Variants in SNAP91 observed in about 807,000 individuals in gnomAD.
SNAP91 encodes synaptosome associated protein 91.
In SNAP91, 27 loss-of-function variants were observed where a neutral mutation model predicts 100.3. That is an observed-to-expected ratio of 0.27 (90% CI 0.20 to 0.37). SNAP91 has a LOEUF of 0.37. Among genes scored for constraint, SNAP91 ranks in the 10% least tolerant of loss-of-function variants. The probability of loss-of-function intolerance (pLI) is 1.00; values close to 1 mark genes in which losing one functional copy is unlikely to be tolerated. For synonymous variants in SNAP91, 404 were observed against 398.6 expected, an observed-to-expected ratio of 1.01 and a Z score of -0.16; for missense variants, 986 against 1,123.7, an observed-to-expected ratio of 0.88 and a Z score of 1.75.
In SNAP91 at chr6:83,559,095, A is replaced by G. The variant is rs1783191290; in HGVS notation, c.2631+1009T>C. On this transcript the variant is annotated intron_variant, in intron 28 of 29. Coordinates refer to ENST00000369694, the MANE Select transcript of SNAP91 (RefSeq NM_001242792.2). ...CCTTATAATTTCTCAAATGATAGGC[A>G]TGTCTTTGTTATTCAAGGTGGGCTC... Among the ~76,000 whole-genome samples, 3 of 152,300 alleles carry G rather than the reference A, an allele frequency of 2.0e-5. No homozygotes were observed. The South Asian group carries it at 6.2e-4, about 32-fold the overall frequency.
chr6:83,591,625 G>T (rs1417125767), intron 21 of SNAP91, among the ~76,000 whole-genome samples: 1 of 151,948 alleles, frequency 6.6e-6, no homozygotes, highest in Non-Finnish European at 1.5e-5. Context: ...TAATAAAACA[G>T]AATTTTTCCA....
intron 14 of SNAP91, among the ~76,000 whole-genome samples, chr6:83,601,911 T>C (rs926701917): frequency 6.6e-6 from 1 of 152,212 alleles, no homozygotes; most frequent in Non-Finnish European, 1.5e-5. Context: ...ATCAGAGTCA[T>C]ATGATCACAT....
chr6:83,701,076 TG>T (rs1202679031), intron 2 of SNAP91, among the ~76,000 whole-genome samples: 1 of 152,214 alleles, frequency 6.6e-6, no homozygotes, highest in African/African-American at 2.4e-5. Flanking sequence ...CAGTTGTGTC[TG>T]TTTTCTTTGA....
intron 10 of SNAP91, among the ~76,000 whole-genome samples, chr6:83,615,964 A>G (rs1051667854): frequency 1.3e-5 from 2 of 152,166 alleles, no homozygotes; most frequent in African/African-American, 4.8e-5. Context: ...GTCAACCAAA[A>G]TGGAATAAAC....
chr6:83,554,400 A>G, intron 29 of SNAP91, 115 bp from the exon 30 acceptor site: 1 of 168,656 alleles, frequency 5.9e-6, no homozygotes. Context: ...TTACATAAAA[A>G]GGTCTCTGCA....
intron 2 of SNAP91, among the ~76,000 whole-genome samples, chr6:83,667,476 T>C (rs2098707321): frequency 6.6e-6 from 1 of 152,030 alleles, no homozygotes; most frequent in Admixed American, 6.6e-5. Context: ...TATAAAAATA[T>C]AAAATGATAA....
chr6:83,586,100 G>A (rs1005205279), intron 22 of SNAP91, among the ~76,000 whole-genome samples: 22 of 152,100 alleles, frequency 1.4e-4, no homozygotes, highest in Non-Finnish European at 2.8e-4. Flanking sequence ...TGCCCGCCTC[G>A]GCCTCACAAA....
At chr6:83,572,725 G>A (rs12198620) in intron 26 of SNAP91, among the ~76,000 whole-genome samples, 6,918 of 152,188 alleles carry the variant, frequency 0.045, 194 homozygotes, top group East Asian at 0.076. Context: ...GCAACATCAC[G>A]AAAGTATAAA....
chr6:83,708,300 C>T (rs922407878), intron 1 of SNAP91: 2 of 207,540 alleles, frequency 9.6e-6, no homozygotes, highest in African/African-American at 4.7e-5. Flanking sequence ...GGGTGCTGGA[C>T]TAGCCACAAC....
At chr6:83,645,666 G>T (rs900883798) in intron 7 of SNAP91, among the ~76,000 whole-genome samples, 6 of 152,030 alleles carry the variant, frequency 3.9e-5, no homozygotes, top group African/African-American at 1.4e-4. Flanking sequence ...GGGCAACATA[G>T]CAAGCCCCTA....
rs148618171 is a variant in SNAP91, at chr6:83,673,449, C to G, written c.131-7868G>C. On this transcript the variant is annotated intron_variant, in intron 2 of 29. Transcript: ENST00000369694. ...CTGACTATGCTGGACTTCCTATCTC[C>G]AGAACTGTGAGAACCAAATTTCTGT... is the stretch of plus-strand genomic sequence containing the variant. Among the ~76,000 whole-genome samples, 47 of 152,276 alleles carry G rather than the reference C, an allele frequency of 3.1e-4. 1 individual carries two copies. The East Asian group carries it at 8.3e-3, about 27-fold the overall frequency.
intron 9 of SNAP91, among the ~76,000 whole-genome samples, chr6:83,622,305 C>A (rs571237693): frequency 6.6e-6 from 1 of 152,024 alleles, no homozygotes; most frequent in African/African-American, 2.4e-5. Context: ...ATACAAATAA[C>A]ATTTCTTTGA....
chr6:83,615,268 G>A (rs2096413400), intron 10 of SNAP91, among the ~76,000 whole-genome samples: 1 of 152,162 alleles, frequency 6.6e-6, no homozygotes, highest in Non-Finnish European at 1.5e-5. Context: ...GGAAGGGTGT[G>A]GCCCTATATG....
At chr6:83,582,943 T>C (rs1329065212) in intron 22 of SNAP91, among the ~76,000 whole-genome samples, 2 of 152,190 alleles carry the variant, frequency 1.3e-5, no homozygotes, top group Non-Finnish European at 2.9e-5. Flanking sequence ...GTCTTCACAG[T>C]GCAGCCAGAA....
intron 21 of SNAP91, among the ~76,000 whole-genome samples, chr6:83,591,685 G>A (rs565174056): frequency 5.3e-5 from 8 of 152,138 alleles, no homozygotes; most frequent in Non-Finnish European, 1.0e-4. Context: ...AATTCAAGGA[G>A]CAGCAATATG....
intron 8 of SNAP91, among the ~76,000 whole-genome samples, chr6:83,629,663 G>C (rs1375819637): frequency 1.3e-5 from 2 of 152,150 alleles, no homozygotes; most frequent in Non-Finnish European, 1.5e-5. Context: ...CTTGGTCAAT[G>C]TTGGTGTATC....
chr6:83,609,388 C>T (rs2095848306), intron 12 of SNAP91, among the ~76,000 whole-genome samples: 1 of 152,106 alleles, frequency 6.6e-6, no homozygotes, highest in South Asian at 2.1e-4. Context: ...TTAAACCTGG[C>T]CTTATATCAG....
At chr6:83,703,536 G>T (rs1428290876) in intron 2 of SNAP91, among the ~76,000 whole-genome samples, 1 of 152,046 alleles carries the variant, frequency 6.6e-6, no homozygotes, top group Admixed American at 6.5e-5. Flanking sequence ...GATACTTTAT[G>T]AATAAAATTA....
chr6:83,673,121 A>G (rs1208616247), intron 2 of SNAP91, among the ~76,000 whole-genome samples: 1 of 152,188 alleles, frequency 6.6e-6, no homozygotes, highest in African/African-American at 2.4e-5. Flanking sequence ...TTATATATAT[A>G]TGCAAGATTA....
Sources: allele counts gnomAD v4.1 joint callset (sites outside exome capture counted in the v4.1 genomes callset), GRCh38; gene constraint gnomAD v4.1.1; transcripts MANE v1.5; gene names NCBI Gene and HGNC (gene_info 2026-07-23, HGNC 2026-07-21).